SLC39A11: variants seen among roughly 807,000 people sequenced by gnomAD.
SLC39A11 encodes the protein zinc transporter ZIP11.
In SLC39A11, 33 loss-of-function variants were observed where a neutral mutation model predicts 36.1. The ratio of observed to expected loss-of-function variants is 0.91; its 90% confidence interval spans 0.69 to 1.22. The LOEUF (loss-of-function observed/expected upper bound fraction) is 1.22, where lower values mean the gene tolerates loss of function less well. Among genes scored for constraint, SLC39A11 ranks in the 50% most tolerant of loss-of-function variants. SLC39A11 has a pLI of 0.00. For synonymous variants in SLC39A11, 166 were observed against 170.3 expected (o/e 0.97, Z 0.20); for missense variants, 432 against 430.3 (o/e 1.00, Z -0.03).
At chr17:72,873,389 C>T (rs1327883640) in intron 5 of SLC39A11, among the ~76,000 whole-genome samples, 1 of 152,184 alleles carries the variant, frequency 6.6e-6, no homozygotes, top group Non-Finnish European at 1.5e-5. Flanking sequence ...GCCTGCTAAA[C>T]TACCCTTGAA....
chr17:72,768,879 G>C (rs1038312729), intron 6 of SLC39A11, among the ~76,000 whole-genome samples: 1 of 152,046 alleles, frequency 6.6e-6, no homozygotes, highest in East Asian at 1.9e-4. Context: ...TCCTGCCTCA[G>C]CCTCCCGAGT....
intron 3 of SLC39A11, among the ~76,000 whole-genome samples, chr17:73,051,159 C>T (rs1392439411): frequency 1.3e-5 from 2 of 152,134 alleles, no homozygotes; most frequent in African/African-American, 2.4e-5. Flanking sequence ...CTAGTGGCTG[C>T]CAGAAGCCCT....
intron 4 of SLC39A11, among the ~76,000 whole-genome samples, chr17:73,009,556 G>A (rs987078675): frequency 2.6e-5 from 4 of 152,046 alleles, no homozygotes; most frequent in Non-Finnish European, 5.9e-5. Context: ...GAGAGTAAGC[G>A]AAGAATGGGG....
intron 5 of SLC39A11, among the ~76,000 whole-genome samples, chr17:72,889,986 A>G (rs4395138): frequency 0.44 from 66,399 of 151,770 alleles, 16,199 homozygotes; most frequent in East Asian, 0.7. Flanking sequence ...CAGGGCAGGC[A>G]TGGTGGCTCA....
chr17:72,711,578 G>A lies in SLC39A11; in HGVS notation c.671+25072C>T, dbSNP rs146024313. 7.2e-3 allele frequency among the ~76,000 whole-genome samples: 1,104 copies of A among 152,286 alleles called. 3 individuals are homozygous for A. The highest frequency in any genetic ancestry group is 0.014 in the Middle Eastern group (4 of 294). On this transcript the variant is annotated intron_variant, in intron 7 of 9. Transcript: ENST00000255559. ...ATAAATTTGGATTCTGTTACAAAGA[G>A]CAAACCCATATTCTAAATACTACAG...
Position 72,713,625 on chromosome 17 carries a change from A to T in SLC39A11, c.671+23025T>A, listed in dbSNP as rs546392847. 2.6e-5 allele frequency among the ~76,000 whole-genome samples: 4 copies of T among 152,276 alleles called. No individual in the cohort carries two copies. In the South Asian group the frequency reaches 8.3e-4, roughly 32 times the overall value. On this transcript the variant is annotated intron_variant, in intron 7 of 9. Coordinates refer to ENST00000255559, the MANE Select transcript of SLC39A11 (RefSeq NM_139177.4). ...TATTAATAGCCAACTAGCTGTACAC[A>T]TAAAAAAAACTGGGAGGGGTTTCTA... is the stretch of plus-strand genomic sequence containing the variant.
rs550936458 is a variant in SLC39A11, at chr17:72,966,025, T to G, written c.307-18150A>C. Reference sequence around the variant, plus strand: ...CCTCCCCATAAGTTTCCAAGCCACTTGTAGAAGTCGTAGCACACCTTGAGG... The same window carrying G: ...CCTCCCCATAAGTTTCCAAGCCACTGGTAGAAGTCGTAGCACACCTTGAGG... On this transcript the variant is annotated intron_variant, in intron 4 of 9. Coordinates refer to ENST00000255559, the MANE Select transcript of SLC39A11 (RefSeq NM_139177.4). Among the ~76,000 whole-genome samples, 12 of 152,342 alleles carry G rather than the reference T, an allele frequency of 7.9e-5. No homozygotes were observed. In the South Asian group the frequency reaches 2.1e-3, roughly 26 times the overall value.
chr17:72,888,648 T>A (rs2081558184), intron 5 of SLC39A11, among the ~76,000 whole-genome samples: 2 of 152,180 alleles, frequency 1.3e-5, no homozygotes, highest in Admixed American at 6.6e-5. Flanking sequence ...ACACCTGTAA[T>A]GGCAGCACTT....
intron 3 of SLC39A11, among the ~76,000 whole-genome samples, chr17:73,074,456 C>G (rs1294342001): frequency 1.6e-4 from 24 of 152,044 alleles, no homozygotes; most frequent in Admixed American, 1.5e-3. Context: ...CACCACCACG[C>G]CCGGCTAATT....
At chr17:72,931,752 G>C (rs139831015) in intron 5 of SLC39A11, among the ~76,000 whole-genome samples, 1 of 152,180 alleles carries the variant, frequency 6.6e-6, no homozygotes, top group Non-Finnish European at 1.5e-5. Flanking sequence ...CCACAACTCT[G>C]CTTGAATCCT....
intron 2 of SLC39A11, among the ~76,000 whole-genome samples, chr17:73,085,537 T>C (rs114680039): frequency 2.2e-3 from 337 of 151,406 alleles, no homozygotes; most frequent in African/African-American, 8.0e-3. Flanking sequence ...TCGCAGCTAC[T>C]TGGCTGAGAC....
At chr17:72,928,031 A>G (rs1032020196) in intron 5 of SLC39A11, among the ~76,000 whole-genome samples, 12 of 152,154 alleles carry the variant, frequency 7.9e-5, no homozygotes, top group African/African-American at 2.9e-4. Context: ...CTCAAATAAC[A>G]CTGATTGCTC....
chr17:72,817,555 T>C (rs1186408830), intron 6 of SLC39A11, among the ~76,000 whole-genome samples: 1 of 152,066 alleles, frequency 6.6e-6, no homozygotes, highest in Non-Finnish European at 1.5e-5. Flanking sequence ...AAAACCCACA[T>C]CCAAACCACA....
At chr17:72,697,365 G>C (rs2072354960) in intron 7 of SLC39A11, among the ~76,000 whole-genome samples, 1 of 152,194 alleles carries the variant, frequency 6.6e-6, no homozygotes, top group African/African-American at 2.4e-5. Flanking sequence ...TTACAGGTGT[G>C]AGCCACCAAG....
At chr17:72,905,609 G>A (rs1285086259) in intron 5 of SLC39A11, among the ~76,000 whole-genome samples, 2 of 150,398 alleles carry the variant, frequency 1.3e-5, no homozygotes, top group Non-Finnish European at 3.0e-5. Flanking sequence ...AAAAAAAAAA[G>A]AAGACAAGGT....
At chr17:72,685,376 G>A (rs1211900598) in intron 7 of SLC39A11, among the ~76,000 whole-genome samples, 1 of 152,274 alleles carries the variant, frequency 6.6e-6, no homozygotes, top group Non-Finnish European at 1.5e-5. Flanking sequence ...AAAGGGGGAG[G>A]GGCGGTTGAG....
chr17:72,966,551 T>C (rs1025956026), intron 4 of SLC39A11, among the ~76,000 whole-genome samples: 1 of 139,356 alleles, frequency 7.2e-6, no homozygotes. Context: ...GGAAGCTTCA[T>C]CTGTTTTTTT....
At chr17:73,056,120 C>A (rs1320478418) in intron 3 of SLC39A11, among the ~76,000 whole-genome samples, 1 of 152,074 alleles carries the variant, frequency 6.6e-6, no homozygotes, top group Non-Finnish European at 1.5e-5. Flanking sequence ...ATCTTCCCCA[C>A]AGAGCCCCGA....
chr17:72,971,334 A>ACT (rs149736745), intron 4 of SLC39A11, among the ~76,000 whole-genome samples: 50 of 137,038 alleles, frequency 3.6e-4, no homozygotes, highest in African/African-American at 4.7e-4. Context: ...ACACACACAC[A>ACT]CACTCTCTCT....
Sources: allele counts gnomAD v4.1 joint callset (sites outside exome capture counted in the v4.1 genomes callset), GRCh38; gene constraint gnomAD v4.1.1; transcripts MANE v1.5; gene names NCBI Gene and HGNC (gene_info 2026-07-23, HGNC 2026-07-21).